PTPRD: variants seen among roughly 807,000 people sequenced by gnomAD.
The protein encoded by PTPRD is protein tyrosine phosphatase receptor type D.
PTPRD carries 34 observed loss-of-function variants against 214.5 expected under a neutral mutation model. That is an observed-to-expected ratio of 0.16 (90% CI 0.12 to 0.21). PTPRD has a LOEUF of 0.21. Ranked by LOEUF, PTPRD falls within the 10% of genes least tolerant of loss-of-function variation. PTPRD has a pLI of 1.00. For missense variants in PTPRD, 2,545 were observed against 2,398.7 expected, an observed-to-expected ratio of 1.06 and a Z score of -1.27; for synonymous variants, 1,128 against 845.7, an observed-to-expected ratio of 1.33 and a Z score of -5.79.
chr9:9,837,661 G>C (rs1192899110), intron 5 of PTPRD, among the ~76,000 whole-genome samples: 1 of 152,142 alleles, frequency 6.6e-6, no homozygotes, highest in Non-Finnish European at 1.5e-5. Flanking sequence ...TGCAGTGTCA[G>C]TGACATGAGG....
At position 8,623,008 on chromosome 9, in the gene PTPRD, C is replaced by T. The variant is rs192108742; in HGVS notation, c.352+10309G>A. 1.7e-3 allele frequency among the ~76,000 whole-genome samples: 253 copies of T among 151,642 alleles called. 3 individuals carry two copies. Among genetic ancestry groups the T allele is most frequent in the African/African-American group, 5.8e-3 (241 of 41,382 alleles). On this transcript the variant is annotated intron_variant, in intron 14 of 45. Coordinates refer to ENST00000381196, the MANE Select transcript of PTPRD (RefSeq NM_002839.4). The stretch of plus-strand genomic sequence containing the variant: ...TACAAAATACAAAAAAAAAAATTAG[C>T]TGGGCAAGATGACTCATACTATAGT...
At chr9:9,852,103 G>C (rs974664884) in intron 5 of PTPRD, among the ~76,000 whole-genome samples, 8 of 152,048 alleles carry the variant, frequency 5.3e-5, no homozygotes, top group African/African-American at 1.9e-4. Context: ...GAAGATCGAT[G>C]CATTAAAATG....
At chr9:9,229,402 C>T (rs17604486) in intron 9 of PTPRD, among the ~76,000 whole-genome samples, 1 of 151,666 alleles carries the variant, frequency 6.6e-6, no homozygotes, top group African/African-American at 2.4e-5. Context: ...AACAGCAATG[C>T]CTCATAGAAG....
intron 6 of PTPRD, among the ~76,000 whole-genome samples, chr9:9,736,428 A>T (rs939024154): frequency 2.0e-5 from 3 of 152,038 alleles, no homozygotes; most frequent in Non-Finnish European, 4.4e-5. Flanking sequence ...TACATATTCA[A>T]TCCACTATTG....
At chr9:8,528,912 T>A in intron 14 of PTPRD, 133 bp from the exon 15 acceptor site, 1 of 794,282 alleles carries the variant, frequency 1.3e-6, no homozygotes, top group East Asian at 2.7e-5. Context: ...CACTAATAAA[T>A]TAGAACACAG....
At chr9:9,197,771 A>C (rs1207991466) in intron 9 of PTPRD, among the ~76,000 whole-genome samples, 3 of 151,416 alleles carry the variant, frequency 2.0e-5, no homozygotes, top group Non-Finnish European at 4.4e-5. Context: ...TCCTGTCAAC[A>C]CTCCTTTCAT....
chr9:8,643,522 C>A (rs1216356815), intron 12 of PTPRD, among the ~76,000 whole-genome samples: 1 of 152,218 alleles, frequency 6.6e-6, no homozygotes, highest in Non-Finnish European at 1.5e-5. Flanking sequence ...ACTGCCCTCA[C>A]ACTGGCTGCA....
intron 7 of PTPRD, among the ~76,000 whole-genome samples, chr9:9,671,266 C>G (rs1435194061): frequency 6.6e-6 from 1 of 152,116 alleles, no homozygotes. Flanking sequence ...CCTGTAACCC[C>G]TTTGTTTTGG....
At chr9:10,510,310 CA>C (rs1364544316) in intron 2 of PTPRD, among the ~76,000 whole-genome samples, 1 of 152,058 alleles carries the variant, frequency 6.6e-6, no homozygotes, top group Non-Finnish European at 1.5e-5. Context: ...TTGATCTTTA[CA>C]ATTCACATAC....
chr9:8,505,960 A>G (rs2097535879), intron 22 of PTPRD, among the ~76,000 whole-genome samples: 1 of 152,220 alleles, frequency 6.6e-6, no homozygotes, highest in Non-Finnish European at 1.5e-5. Flanking sequence ...AAGTTGTACC[A>G]TGAAAACTTT....
chr9:9,099,616 C>T (rs1287312585), intron 10 of PTPRD, among the ~76,000 whole-genome samples: 1 of 152,020 alleles, frequency 6.6e-6, no homozygotes, highest in African/African-American at 2.4e-5. Flanking sequence ...CAGATATTTG[C>T]TTATAGGATG....
chr9:9,741,437 C>T (rs988767524), intron 6 of PTPRD, among the ~76,000 whole-genome samples: 9 of 112,064 alleles, frequency 8.0e-5, no homozygotes, highest in Admixed American at 5.4e-4. Flanking sequence ...AATCCAGAAA[C>T]GTTTGAGTTG....
chr9:10,337,731 G>C (rs972679887), intron 3 of PTPRD, among the ~76,000 whole-genome samples: 1 of 151,576 alleles, frequency 6.6e-6, no homozygotes, highest in Non-Finnish European at 1.5e-5. Context: ...TTAACACTTA[G>C]AGCCAGTCTA....
intron 14 of PTPRD, among the ~76,000 whole-genome samples, chr9:8,576,438 T>C (rs1408131903): frequency 6.6e-6 from 1 of 152,150 alleles, no homozygotes; most frequent in Non-Finnish European, 1.5e-5. Flanking sequence ...TATTATACTT[T>C]ATGTCTTTTC....
rs143417403 is a variant in PTPRD at position 9,069,135 on chromosome 9, A to C, written c.-142-50400T>G. 7.2e-5 allele frequency among the ~76,000 whole-genome samples: 11 copies of C among 152,326 alleles called. No homozygotes were observed. The East Asian group carries it at 1.9e-3, about 27-fold the overall frequency. ...AGTTCTAAAGATATTGCTATACTTA[A>C]AGGTTTCTCAAGGTGGAACTTTAAA... On this transcript the variant is annotated intron_variant, in intron 10 of 45. Transcript: ENST00000381196.
rs992632174 is a variant in PTPRD at position 10,045,402 on chromosome 9, C to T, written c.-544-11612G>A. 4.6e-5 allele frequency among the ~76,000 whole-genome samples: 7 copies of T among 151,440 alleles called. No homozygotes were observed. The East Asian group carries it at 7.7e-4, about 17-fold the overall frequency. On this transcript the variant is annotated intron_variant, in intron 3 of 45. Coordinates refer to ENST00000381196, the MANE Select transcript of PTPRD (RefSeq NM_002839.4). Reference sequence around the variant, plus strand: ...ATTAGCATCTGTATAAAGTGGCTACCGTATTTTCTATATCTGTACTTAATC... The same window carrying T: ...ATTAGCATCTGTATAAAGTGGCTACTGTATTTTCTATATCTGTACTTAATC...
At chr9:10,262,451 A>T (rs2093758982) in intron 3 of PTPRD, among the ~76,000 whole-genome samples, 1 of 152,194 alleles carries the variant, frequency 6.6e-6, no homozygotes, top group South Asian at 2.1e-4. Flanking sequence ...TTTGTTCAAA[A>T]TCACCTAAGA....
chr9:8,619,288 T>C (rs1374776751), intron 14 of PTPRD, among the ~76,000 whole-genome samples: 1 of 151,964 alleles, frequency 6.6e-6, no homozygotes, highest in Non-Finnish European at 1.5e-5. Context: ...ACAACAGTTC[T>C]CTTAAACTTA....
intron 2 of PTPRD, among the ~76,000 whole-genome samples, chr9:10,577,659 C>T (rs1202669995): frequency 6.6e-5 from 10 of 152,140 alleles, no homozygotes; most frequent in Admixed American, 5.2e-4. Flanking sequence ...CAGTAGGAAA[C>T]TAACACACTG....
Sources: gnomAD v4.1 joint callset for allele counts (sites outside exome capture counted in the v4.1 genomes callset) on GRCh38, gnomAD v4.1.1 for gene constraint, MANE v1.5 for transcripts, NCBI Gene and HGNC (gene_info 2026-07-23, HGNC 2026-07-21) for gene names.